Variants in POLR3B observed in about 807,000 individuals in gnomAD.
POLR3B encodes the protein RNA polymerase III subunit B, also known as DNA-directed RNA polymerase III subunit RPC2.
A neutral mutation model predicts 147.4 loss-of-function variants in POLR3B; 96 were observed. That is an observed-to-expected ratio of 0.65 (90% CI 0.55 to 0.77). The LOEUF (loss-of-function observed/expected upper bound fraction) is 0.77, where lower values mean the gene tolerates loss of function less well. Ranked by LOEUF, POLR3B falls within the 30% of genes least tolerant of loss-of-function variation. The pLI, the probability that POLR3B is intolerant of heterozygous loss-of-function variation, is 0.00. For missense variants in POLR3B, 1,036 were observed against 1,413.5 expected, an observed-to-expected ratio of 0.73 and a Z score of 4.28; for synonymous variants, 461 against 485.9, an observed-to-expected ratio of 0.95 and a Z score of 0.67.
intron 10 of POLR3B, 103 bp from the exon 11 acceptor site, chr12:106,405,754 C>T (rs372933741): frequency 1.8e-6 from 2 of 1,106,200 alleles, no homozygotes; most frequent in Non-Finnish European, 1.4e-6. Flanking sequence ...TCTCTATAAC[C>T]AGGGTCTTTA....
At chr12:106,414,103 T>C (rs1193588931) in intron 12 of POLR3B, among the ~76,000 whole-genome samples, 2 of 135,036 alleles carry the variant, frequency 1.5e-5, no homozygotes, top group East Asian at 2.0e-4. Flanking sequence ...GAATCTAATA[T>C]GCCATTAATT....
chr12:106,370,316 A>G (rs532151120), intron 6 of POLR3B, among the ~76,000 whole-genome samples: 124 of 152,286 alleles, frequency 8.1e-4, no homozygotes, highest in Middle Eastern at 3.4e-3. Flanking sequence ...CCAACTGCCT[A>G]TCACTTCTTA....
At chr12:106,391,693 G>T (rs887118085) in intron 9 of POLR3B, among the ~76,000 whole-genome samples, 1 of 152,198 alleles carries the variant, frequency 6.6e-6, no homozygotes, top group African/African-American at 2.4e-5. Context: ...GACAGTAGTA[G>T]TTGTAATGTC....
Position 106,369,821 on chromosome 12 carries a change from G to A in POLR3B, c.404+138G>A, listed in dbSNP as rs151030586. The A allele has an allele frequency of 6.0e-3, 4,172 of 694,498 alleles. 203 individuals carry two copies. The Admixed American group carries it at 0.074, about 12-fold the overall frequency. 43.0% of individuals were successfully genotyped at this position (694,498 alleles called of 1,614,324 possible). ...TGAGTCAGCATGTGTAAAGCACTTA[G>A]AATAATGTCCAGCACATAGTCGTGG... On this transcript the variant is annotated intron_variant, in intron 6 of 27. Coordinates refer to ENST00000228347, the MANE Select transcript of POLR3B (RefSeq NM_018082.6).
chr12:106,449,294 T>G (rs537013371), intron 19 of POLR3B, among the ~76,000 whole-genome samples: 9 of 152,326 alleles, frequency 5.9e-5, no homozygotes, highest in Admixed American at 5.9e-4. Context: ...TTTCCACTTG[T>G]GGCGGCATGT....
chr12:106,436,916 A>G, intron 16 of POLR3B, 141 bp from the exon 17 acceptor site: 1 of 717,466 alleles, frequency 1.4e-6, no homozygotes, highest in Non-Finnish European at 2.5e-6. Context: ...CATCCATACA[A>G]AAATTACCTG....
chr12:106,358,266 G>A (rs912150225), intron 1 of POLR3B: 13 of 1,314,242 alleles, frequency 9.9e-6, no homozygotes, highest in South Asian at 1.5e-5. Context: ...TGTGGGGGAC[G>A]TATTGCATGT....
intron 23 of POLR3B, among the ~76,000 whole-genome samples, chr12:106,470,789 T>G (rs1190281820): frequency 6.6e-6 from 1 of 152,202 alleles, no homozygotes; most frequent in Non-Finnish European, 1.5e-5. Context: ...CAATGGAGGC[T>G]GCAGAATAGC....
At chr12:106,476,553 GC>G in intron 23 of POLR3B, among the ~76,000 whole-genome samples, 1 of 118,388 alleles carries the variant, frequency 8.4e-6, no homozygotes, top group Non-Finnish European at 1.7e-5. Flanking sequence ...TTTCTTGGAG[GC>G]TTTGCTCATT....
At chr12:106,412,634 G>C (rs2037243156) in intron 12 of POLR3B, among the ~76,000 whole-genome samples, 1 of 152,140 alleles carries the variant, frequency 6.6e-6, no homozygotes, top group Non-Finnish European at 1.5e-5. Context: ...ATTTCATCCA[G>C]TTTATACAGT....
At chr12:106,383,708 A>G (rs1218788952) in intron 9 of POLR3B, among the ~76,000 whole-genome samples, 2 of 152,138 alleles carry the variant, frequency 1.3e-5, no homozygotes, top group Non-Finnish European at 2.9e-5. Flanking sequence ...GGCCGGGCGC[A>G]ATAGCTCACG....
intron 19 of POLR3B, among the ~76,000 whole-genome samples, chr12:106,454,211 C>T (rs1179041925): frequency 6.6e-6 from 1 of 152,108 alleles, no homozygotes; most frequent in Non-Finnish European, 1.5e-5. Flanking sequence ...TGAAATTAAC[C>T]AGTGGAAACT....
At chr12:106,485,646 A>G (rs1238029274) in intron 23 of POLR3B, among the ~76,000 whole-genome samples, 1 of 152,212 alleles carries the variant, frequency 6.6e-6, no homozygotes, top group Non-Finnish European at 1.5e-5. Context: ...ACAGGAGTTG[A>G]GGATGAAGTT....
At chr12:106,445,371 G>A (rs1475792589) in intron 19 of POLR3B, among the ~76,000 whole-genome samples, 1 of 152,178 alleles carries the variant, frequency 6.6e-6, no homozygotes, top group South Asian at 2.1e-4. Context: ...CTTAAAGTGA[G>A]AGTGGGTTTT....
At chr12:106,498,631 G>C (rs1313237936) in intron 25 of POLR3B, among the ~76,000 whole-genome samples, 2 of 148,098 alleles carry the variant, frequency 1.4e-5, no homozygotes, top group African/African-American at 5.0e-5. Context: ...GCCCAGGCTG[G>C]AATGCAATGG....
intron 20 of POLR3B, 130 bp from the exon 21 acceptor site, chr12:106,457,008 A>G (rs2037873279): frequency 5.1e-6 from 4 of 777,436 alleles, no homozygotes; most frequent in Admixed American, 3.9e-5. Flanking sequence ...CCAGATTATT[A>G]TCAAATACAG....
intron 10 of POLR3B, among the ~76,000 whole-genome samples, chr12:106,398,868 C>G (rs540926867): frequency 2.6e-5 from 4 of 152,102 alleles, no homozygotes; most frequent in African/African-American, 9.7e-5. Context: ...GTAGATGAAA[C>G]CACAAAGATG....
chr12:106,477,027 G>T (rs1185200077), intron 23 of POLR3B, among the ~76,000 whole-genome samples: 3 of 148,414 alleles, frequency 2.0e-5, no homozygotes, highest in Admixed American at 1.3e-4. Context: ...TGATGATGGT[G>T]ATGTACAGAT....
chr12:106,401,534 C>G (rs1193761234), intron 10 of POLR3B, among the ~76,000 whole-genome samples: 1 of 152,198 alleles, frequency 6.6e-6, no homozygotes, highest in East Asian at 1.9e-4. Flanking sequence ...GACCAATATC[C>G]TTGATGAACA....
Sources: allele counts gnomAD v4.1 joint callset (sites outside exome capture counted in the v4.1 genomes callset), GRCh38; gene constraint gnomAD v4.1.1; transcripts MANE v1.5; gene names NCBI Gene and HGNC (gene_info 2026-07-23, HGNC 2026-07-21).